Variants in TROAP observed in about 807,000 individuals in gnomAD.
TROAP encodes the protein tastin.
Under a neutral mutation model 83.4 loss-of-function variants are expected in TROAP, and 62 were observed. The ratio of observed to expected loss-of-function variants is 0.74; its 90% CI spans 0.61 to 0.92. The LOEUF is 0.92. Among genes scored for constraint, TROAP ranks in the 40% least tolerant of loss-of-function variants. The probability of loss-of-function intolerance (pLI) is 0.00; values close to 1 mark genes in which losing one functional copy is unlikely to be tolerated. For synonymous variants in TROAP, 352 were observed against 386.4 expected (o/e 0.91, Z 1.04); for missense variants, 876 against 985.1 (o/e 0.89, Z 1.48).
chr12:49,331,717 A>G lies in TROAP; in HGVS notation c.*100A>G. 1.4e-6 allele frequency: 2 copies of G among 1,445,164 alleles called. No homozygotes were observed. Among genetic ancestry groups the G allele is most frequent in the Middle Eastern group, 1.8e-4 (1 of 5,694 alleles). The allele number at this position is 1,445,164 out of a possible 1,614,324, so 89.5% of individuals were successfully genotyped here. On this transcript the variant is annotated 3_prime_UTR_variant, in exon 15 of 15. Transcript: ENST00000257909. ...GGAGCCGCCCACTTTTGTCCTCAAT[A>G]AAGTTTCTAAAGTATCCACGTGTCT...
chr12:49,326,368 C>T (rs1025716623), intron 6 of TROAP, among the ~76,000 whole-genome samples: 1 of 152,190 alleles, frequency 6.6e-6, no homozygotes, highest in African/African-American at 2.4e-5. Flanking sequence ...CATCAGTTTA[C>T]TCAAGTCATG....
At chr12:49,323,500 G>A (rs772759977) in intron 1 of TROAP, 104 bp from the exon 2 acceptor site, 33 of 1,475,864 alleles carry the variant, frequency 2.2e-5, no homozygotes, top group Admixed American at 2.0e-4. Flanking sequence ...TTGTGGGCGC[G>A]TGGATTAGGG....
In TROAP at chr12:49,323,726, G is replaced by A. The variant is rs986187235; in HGVS notation, c.118G>A (p.Val40Met). Residue 40 changes from valine to methionine, a missense_variant, in exon 2 of 15, where the codon GTG becomes ATG. Coordinates refer to ENST00000257909, the MANE Select transcript of TROAP (RefSeq NM_005480.4). ...TTTCCCCACTGTTACATCGTGCGCC[G>A]TGGACCAGGAGAACCAAGATCCAAG... is the stretch of plus-strand genomic sequence containing the variant. The part of the protein sequence containing the change: ...TPFPTVTSCA[V>M]DQENQDPRRW... 2 of 1,614,084 alleles carry A rather than the reference G, an allele frequency of 1.2e-6. No individual in the cohort carries two copies. Among genetic ancestry groups the A allele is most frequent in the South Asian group, 1.1e-5 (1 of 91,078 alleles).
Position 49,330,361 on chromosome 12 carries a change from C to T in TROAP, c.1516C>T (p.Pro506Ser), listed in dbSNP as rs149122510. Residue 506 changes from proline (P) to serine (S), a missense_variant, in exon 13 of 15, where the codon CCA (proline) becomes TCA (serine). This residue lies in a region of TROAP where 689 missense variants were observed against 722.6 expected (regional missense o/e 0.95). Transcript: ENST00000257909. ...CTCAGGGCTGCCAAAGCCCTGTCTT[C>T]CAGAGGAGTGCGGGGAACCACAGCC... is the stretch of plus-strand genomic sequence containing the variant. ...KHSGLPKPCLPEECGEPQPCP... is the reference protein window; with the variant it reads ...KHSGLPKPCLSEECGEPQPCP... 1.0e-3 allele frequency: 1,620 copies of T among 1,614,156 alleles called. 14 individuals carry two copies. The African/African-American group carries it at 0.015, about 15-fold the overall frequency.
At position 49,330,719 on chromosome 12, in the gene TROAP, G is replaced by T; in HGVS notation, c.1874G>T (p.Ser625Ile). 1 of 1,614,066 alleles carries T rather than the reference G, an allele frequency of 6.2e-7. No homozygotes were observed. Among genetic ancestry groups the T allele is most frequent in the Non-Finnish European group, 8.5e-7 (1 of 1,179,982 alleles). Residue 625 changes from serine (S) to isoleucine (I), a missense_variant, in exon 13 of 15, where the codon AGC becomes ATC. Physicochemically the swap from Ser to Ile is moderately radical, Grantham distance 142. Transcript: ENST00000257909. ...GCAGAACCCGGGCCCCTTCAGCCCAGCACCCAGGGGCAGTCTGGACCCCCA... is the reference window on the plus strand; with the variant it reads ...GCAGAACCCGGGCCCCTTCAGCCCATCACCCAGGGGCAGTCTGGACCCCCA... ...PPAEPGPLQP[S>I]TQGQSGPPGP... is the part of the protein sequence containing the mutation.
chr12:49,326,753 G>C, intron 7 of TROAP, 33 bp downstream of exon 7: 2 of 1,554,754 alleles, frequency 1.3e-6, no homozygotes, highest in Non-Finnish European at 1.7e-6. Flanking sequence ...GAGAACAGGG[G>C]CAGTTGGGCT....
In TROAP at chr12:49,331,355, C is replaced by A. The variant is rs750042664; in HGVS notation, c.2240C>A (p.Thr747Asn). 1.9e-6 allele frequency: 3 copies of A among 1,614,104 alleles called. No homozygotes were observed. The highest frequency in any genetic ancestry group is 1.3e-5 in the African/African-American group (1 of 74,944). ...AGCCGAGCCCCTCCCTCAGGCCCCA[C>A]CCGGGTCTGCACCAACCCTGTGGCT... is the stretch of plus-strand genomic sequence containing the variant. Reference protein sequence around the residue: ...YTSRAPPSGPTRVCTNPVATL... With the variant: ...YTSRAPPSGPNRVCTNPVATL... Residue 747 changes from threonine (T) to asparagine (N), a missense_variant, in exon 14 of 15, where the codon ACC becomes AAC. By Grantham distance (65) the Thr-to-Asn change is moderately conservative (BLOSUM62 0). Around this residue, in one of 3 missense-constraint regions of TROAP, gnomAD observed 184 missense variants for 238.3 expected, o/e 0.77. Coordinates refer to ENST00000257909, the MANE Select transcript of TROAP (RefSeq NM_005480.4).
At chr12:49,331,142 G>C in intron 13 of TROAP, 72 bp from the exon 14 acceptor site, 1 of 1,593,854 alleles carries the variant, frequency 6.3e-7, no homozygotes, top group Middle Eastern at 1.7e-4. Context: ...GTTGGTGGGG[G>C]AGGAGGAGAG....
Position 49,331,463 on chromosome 12 carries a change from G to A in TROAP, c.2292+56G>A, listed in dbSNP as rs566111479. On this transcript the variant is annotated intron_variant, in intron 14 of 14. Coordinates refer to ENST00000257909, the MANE Select transcript of TROAP (RefSeq NM_005480.4). ...CTGCACAGTGAGCCTGATGGGAGGT[G>A]GGGAACAGGGACAGGGGGCCACCTG... The A allele has an allele frequency of 1.8e-4, 295 of 1,608,554 alleles. No individual in the cohort carries two copies. In the Admixed American group the frequency reaches 2.0e-3, roughly 11 times the overall value.
At chr12:49,327,187 C>T (rs1396103001) in intron 7 of TROAP, 22 bp from the exon 8 acceptor site, 4 of 1,613,570 alleles carry the variant, frequency 2.5e-6, no homozygotes, top group Non-Finnish European at 2.5e-6. Flanking sequence ...GAGTCTACAA[C>T]AAATGTCCTG....
In TROAP at chr12:49,329,060, G is replaced by A; in HGVS notation, c.1020+5G>A. On this transcript the variant is annotated splice_donor_5th_base_variant and intron_variant, in intron 9 of 14. Transcript: ENST00000257909. The surrounding 1 kb of genome is among the most constrained non-coding windows in gnomAD (Gnocchi z 4.5). ...TCCCCAGGCCCTCCAACTCTGGTTT[G>A]TGTCAACAACTGGGGGCTGGGCAGG... is the stretch of plus-strand genomic sequence containing the variant. The A allele has an allele frequency of 6.2e-7, 1 of 1,612,244 alleles. No homozygotes were observed. Among genetic ancestry groups the A allele is most frequent in the Non-Finnish European group, 8.5e-7 (1 of 1,178,632 alleles).
intron 3 of TROAP, among the ~76,000 whole-genome samples, chr12:49,325,058 G>T (rs1024871427): frequency 3.3e-5 from 5 of 151,458 alleles, no homozygotes; most frequent in Non-Finnish European, 5.9e-5. Flanking sequence ...CTACAGGCGC[G>T]CGCCACCAGG....
chr12:49,326,711 G>C lies in TROAP; in HGVS notation c.760G>C (p.Val254Leu). ...CTCAGGATTGCTCCTGGAGACCCCA[G>C]TCCAGCCTGGTAAGTGTTTCTGGCG... ...QASGLLLETP[V>L]QPAFSLPKGE... is the part of the protein sequence containing the mutation. Residue 254 changes from valine (V) to leucine (L), a missense_variant, in exon 7 of 15, where the codon GTC becomes CTC. Around this residue, in one of 3 missense-constraint regions of TROAP, gnomAD observed 689 missense variants for 722.6 expected, o/e 0.95. Coordinates refer to ENST00000257909, the MANE Select transcript of TROAP (RefSeq NM_005480.4). 1.9e-6 allele frequency: 3 copies of C among 1,562,032 alleles called. No individual in the cohort carries two copies. The highest frequency in any genetic ancestry group is 2.6e-6 in the Non-Finnish European group (3 of 1,151,556).
chr12:49,327,263 G>A lies in TROAP; in HGVS notation c.824G>A (p.Gly275Asp), dbSNP rs1385599803. Residue 275 changes from glycine to aspartate, a missense_variant, in exon 8 of 15, where the codon GGT becomes GAT. By Grantham distance (94) the Gly-to-Asp change is moderately conservative (BLOSUM62 -1). Around this residue, in one of 3 missense-constraint regions of TROAP, gnomAD observed 689 missense variants for 722.6 expected, o/e 0.95. Transcript: ENST00000257909. ...GTTGTCACTCACTCAGATGAAGGAG[G>A]TGTGGCCTCTCTTGGTCTGGCCCAG... ...REVVTHSDEG[G>D]VASLGLAQRV... 2 of 1,614,192 alleles carry A rather than the reference G, an allele frequency of 1.2e-6. No individual in the cohort carries two copies. The highest frequency in any genetic ancestry group is 2.2e-5 in the South Asian group (2 of 91,088).
rs201149027 is a variant in TROAP at position 49,331,334 on chromosome 12, G to A, written c.2219G>A (p.Arg740Gln). 1.5e-5 allele frequency: 25 copies of A among 1,614,120 alleles called. No homozygotes were observed. The highest frequency in any genetic ancestry group is 2.2e-5 in the East Asian group (1 of 44,878). ...LDDECAFYTSRAPPSGPTRVC... is the reference protein window; with the variant it reads ...LDDECAFYTSQAPPSGPTRVC... Reference sequence around the variant, plus strand: ...GATGAGTGTGCCTTTTACACCAGCCGAGCCCCTCCCTCAGGCCCCACCCGG... The same window carrying A: ...GATGAGTGTGCCTTTTACACCAGCCAAGCCCCTCCCTCAGGCCCCACCCGG... Residue 740 changes from arginine to glutamine, a missense_variant, in exon 14 of 15, where the codon CGA becomes CAA. Physicochemically the swap from Arg to Gln is conservative, Grantham distance 43. Coordinates refer to ENST00000257909, the MANE Select transcript of TROAP (RefSeq NM_005480.4).
chr12:49,329,061 T>C lies in TROAP; in HGVS notation c.1020+6T>C. 6.2e-7 allele frequency: 1 copy of C among 1,612,324 alleles called. No individual in the cohort carries two copies. Among genetic ancestry groups the C allele is most frequent in the Non-Finnish European group, 8.5e-7 (1 of 1,178,664 alleles). ...CCCCAGGCCCTCCAACTCTGGTTTG[T>C]GTCAACAACTGGGGGCTGGGCAGGG... On this transcript the variant is annotated splice_donor_region_variant and intron_variant, in intron 9 of 14. Transcript: ENST00000257909. This position sits in a 1 kb window ranked among gnomAD's most constrained non-coding sequence, Gnocchi z 4.5.
In TROAP at chr12:49,329,891, G is replaced by C; in HGVS notation, c.1199G>C (p.Ser400Thr). Residue 400 changes from serine to threonine, a missense_variant, in exon 12 of 15, where the codon AGT (serine) becomes ACT (threonine). Coordinates refer to ENST00000257909, the MANE Select transcript of TROAP (RefSeq NM_005480.4). This position sits in a 1 kb window ranked among gnomAD's most constrained non-coding sequence, Gnocchi z 4.5. The part of the protein sequence containing the change: ...QVAVRLFDQE[S>T]CIRSLEGSGK... ...GCCGTCCGGTTGTTTGACCAGGAGA[G>C]TTGTATAAGGTCACTGGAGGGTTCT... The C allele has an allele frequency of 1.2e-6, 2 of 1,614,070 alleles. No individual in the cohort carries two copies. The highest frequency in any genetic ancestry group is 4.5e-5 in the East Asian group (2 of 44,874).
chr12:49,324,083 G>A, intron 3 of TROAP, 46 bp downstream of exon 3: 1 of 1,612,976 alleles, frequency 6.2e-7, no homozygotes, highest in Non-Finnish European at 8.5e-7. Flanking sequence ...GCTGAGTAGG[G>A]GACTAGGAAG....
chr12:49,327,813 C>T, intron 8 of TROAP, among the ~76,000 whole-genome samples: 1 of 152,020 alleles, frequency 6.6e-6, no homozygotes. Context: ...AATAATAAGG[C>T]ACTAAAGGAG....
Sources: gnomAD v4.1 joint callset for allele counts (sites outside exome capture counted in the v4.1 genomes callset) on GRCh38, gnomAD v4.1.1 for gene constraint, gnomAD v4.1.1 regional missense constraint, Gnocchi (gnomAD v3.1) non-coding constraint, MANE v1.5 for transcripts, NCBI Gene and HGNC (gene_info 2026-07-23, HGNC 2026-07-21) for gene names.